The following ATPAF1 variants were observed in gnomAD, a reference collection of about 807,000 sequenced individuals.
ATPAF1 encodes homolog of yeast ATP11.
In ATPAF1, 26 loss-of-function variants were observed where a neutral mutation model predicts 43.9. The observed-to-expected ratio is 0.59, with a 90% CI of 0.43 to 0.82. The LOEUF (loss-of-function observed/expected upper bound fraction) is 0.82, where lower values mean the gene tolerates loss of function less well. Ranked by LOEUF, ATPAF1 falls within the 40% of genes least tolerant of loss-of-function variation. The pLI is 0.00. For synonymous variants in ATPAF1, 157 were observed against 168.0 expected, an observed-to-expected ratio of 0.93 and a Z score of 0.50; for missense variants, 366 against 435.0, an observed-to-expected ratio of 0.84 and a Z score of 1.41.
At chr1:46,638,660 G>T (rs572146675) in intron 8 of ATPAF1, among the ~76,000 whole-genome samples, 1 of 151,846 alleles carries the variant, frequency 6.6e-6, no homozygotes, top group Admixed American at 6.6e-5. Context: ...CACTAGTACA[G>T]TGAGTAGGAT....
intron 8 of ATPAF1, among the ~76,000 whole-genome samples, chr1:46,638,445 C>T (rs550213274): frequency 4.6e-5 from 7 of 152,092 alleles, no homozygotes; most frequent in South Asian, 2.1e-4. Context: ...GGTGAAACCC[C>T]GTCTCTACTA....
At chr1:46,636,272 G>A (rs573432461) in intron 8 of ATPAF1, 32 of 442,786 alleles carry the variant, frequency 7.2e-5, no homozygotes, top group Non-Finnish European at 4.2e-5. Flanking sequence ...TCTCTGCAGA[G>A]TGACATCTGG....
At chr1:46,648,880 G>T (rs1317054101) in intron 6 of ATPAF1, among the ~76,000 whole-genome samples, 1 of 152,100 alleles carries the variant, frequency 6.6e-6, no homozygotes, top group Non-Finnish European at 1.5e-5. Context: ...TCACGAGGCT[G>T]AGGCTCAAGA....
chr1:46,656,123 C>T (rs572009721), intron 4 of ATPAF1, among the ~76,000 whole-genome samples: 2 of 152,132 alleles, frequency 1.3e-5, no homozygotes, highest in Non-Finnish European at 2.9e-5. Flanking sequence ...GGAAGGGACA[C>T]TTGGAACTGT....
chr1:46,658,106 C>T (rs1676308438), intron 4 of ATPAF1, 21 bp downstream of exon 4: 4 of 1,603,678 alleles, frequency 2.5e-6, no homozygotes, highest in Non-Finnish European at 3.4e-6. Context: ...TAGAGTAGGC[C>T]AGCCCATTTC....
At chr1:46,633,992 GCAGGTCCAGAATTTACATTAGTTAA>G (rs1675793355), downstream of ATPAF1, 1 of 374,928 alleles carries the variant, frequency 2.7e-6, no homozygotes, top group African/African-American at 2.1e-5. Flanking sequence ...AGGACCAGAA[GCAGGTCCAGAATTTACATTAGTTAA>G]CAGCTCAACC....
chr1:46,637,939 C>T (rs1675872170), intron 8 of ATPAF1, among the ~76,000 whole-genome samples: 1 of 152,198 alleles, frequency 6.6e-6, no homozygotes, highest in East Asian at 1.9e-4. Context: ...CCCCCCAATT[C>T]ATCCTTCTGT....
intron 7 of ATPAF1, among the ~76,000 whole-genome samples, chr1:46,644,418 T>C (rs982253853): frequency 6.6e-6 from 1 of 152,210 alleles, no homozygotes; most frequent in Non-Finnish European, 1.5e-5. Flanking sequence ...ATGTGGCACA[T>C]AGTAAGTACA....
At chr1:46,643,660 G>C (rs1029434514) in intron 7 of ATPAF1, among the ~76,000 whole-genome samples, 1 of 152,192 alleles carries the variant, frequency 6.6e-6, no homozygotes, top group Non-Finnish European at 1.5e-5. Context: ...CACTTTCATG[G>C]ACTAGTGCAT....
chr1:46,656,359 G>T (rs565890914), intron 4 of ATPAF1, among the ~76,000 whole-genome samples: 2 of 152,254 alleles, frequency 1.3e-5, no homozygotes, highest in African/African-American at 4.8e-5. Flanking sequence ...CAACATTTCT[G>T]TTAAAATATG....
rs1006760102 is a variant in ATPAF1, at chr1:46,653,092, CTA to C, written c.541-466_541-465del. ...AAAAGGCCTGGCTTTATCCTTCCATCTATATGTTTTCCTCCTTAATCTTACAC... is the reference window on the plus strand; with the variant it reads ...AAAAGGCCTGGCTTTATCCTTCCATCTATGTTTTCCTCCTTAATCTTACAC... On this transcript the variant is annotated intron_variant, in intron 5 of 8. Coordinates refer to ENST00000574428, the Ensembl canonical transcript of ATPAF1. The surrounding 1 kb of genome is among the most constrained non-coding windows in gnomAD (Gnocchi z 4.8). Among the ~76,000 whole-genome samples the C allele has an allele frequency of 2.6e-5, 4 of 152,118 alleles. No individual in the cohort carries two copies. The highest frequency in any genetic ancestry group is 7.2e-5 in the African/African-American group (3 of 41,424).
At chr1:46,633,455 G>A (rs1364326137), downstream of ATPAF1, 5 of 234,838 alleles carry the variant, frequency 2.1e-5, no homozygotes, top group African/African-American at 4.8e-5. Context: ...TAAGCAATTT[G>A]TTCAACAGTA....
At chr1:46,634,282 T>C (rs1427158211), downstream of ATPAF1, 1 of 177,780 alleles carries the variant, frequency 5.6e-6, no homozygotes, top group East Asian at 1.8e-4. Flanking sequence ...AACCAGATCT[T>C]AGGCAGGAGC....
intron 6 of ATPAF1, among the ~76,000 whole-genome samples, chr1:46,647,527 C>T (rs1295745622): frequency 6.6e-6 from 1 of 152,042 alleles, no homozygotes; most frequent in East Asian, 1.9e-4. Flanking sequence ...CACACACATG[C>T]ACATTCTCTC....
In ATPAF1 at chr1:46,668,352, G is replaced by GCGCGTC; in HGVS notation, c.-36_-31dup. The GCGCGTC allele has an allele frequency of 7.5e-7, 1 of 1,326,544 alleles. No homozygotes were observed. Among genetic ancestry groups the GCGCGTC allele is most frequent in the Non-Finnish European group, 9.7e-7 (1 of 1,034,738 alleles). The allele number at this position is 1,326,544 out of a possible 1,614,324, so 82.2% of individuals were successfully genotyped here. A position where few individuals can be genotyped will look rare whatever the true frequency, so the allele number is the denominator to read the frequency against. ...GCCCCCGCCTCCTCCTCCTCCTCAG[G>GCGCGTC]CGCGTCGGCCTCGGCCCGCGGCCCG... On this transcript the variant is annotated 5_prime_UTR_variant, in exon 1 of 9. Transcript: ENST00000574428. This position sits in a 1 kb window ranked among gnomAD's most constrained non-coding sequence, Gnocchi z 4.4.
intron 2 of ATPAF1, among the ~76,000 whole-genome samples, chr1:46,661,714 G>C (rs975424468): frequency 1.3e-5 from 2 of 151,976 alleles, no homozygotes; most frequent in Non-Finnish European, 2.9e-5. Flanking sequence ...CCCATGTGGT[G>C]GGGAACCAAT....
chr1:46,659,235 T>C (rs1385115516), intron 2 of ATPAF1, among the ~76,000 whole-genome samples: 1 of 152,078 alleles, frequency 6.6e-6, no homozygotes, highest in African/African-American at 2.4e-5. Flanking sequence ...ATAAAAATTA[T>C]TGTTTATAAG....
At chr1:46,658,532 CA>C (rs34308534) in intron 3 of ATPAF1, among the ~76,000 whole-genome samples, 154 bp downstream of exon 3, 1 of 151,922 alleles carries the variant, frequency 6.6e-6, no homozygotes, top group Non-Finnish European at 1.5e-5. Flanking sequence ...GTCAAGGACA[CA>C]AAGTTCATAG....
intron 4 of ATPAF1, among the ~76,000 whole-genome samples, chr1:46,656,453 T>C (rs570340271): frequency 6.6e-5 from 10 of 152,362 alleles, no homozygotes; most frequent in East Asian, 1.9e-4. Context: ...CTAGGACCTA[T>C]GGAAACTACT....
Sources: allele counts gnomAD v4.1 joint callset (sites outside exome capture counted in the v4.1 genomes callset), GRCh38; gene constraint gnomAD v4.1.1; non-coding constraint Gnocchi (gnomAD v3.1); transcripts MANE v1.5; gene names NCBI Gene and HGNC (gene_info 2026-07-23, HGNC 2026-07-21).